The following TYR variants were observed in gnomAD, a reference collection of about 807,000 sequenced individuals.
TYR encodes tyrosinase.
Under a neutral mutation model 51.5 loss-of-function variants are expected in TYR, and 58 were observed. The observed-to-expected ratio is 1.13, with a 90% confidence interval of 0.91 to 1.40. The LOEUF (loss-of-function observed/expected upper bound fraction) is 1.40. Ranked by LOEUF, TYR falls within the 40% of genes most tolerant of loss-of-function variation. The pLI, the probability that TYR is intolerant of heterozygous loss-of-function variation, is 0.00. For synonymous variants in TYR, 263 were observed against 235.2 expected (o/e 1.12, Z -1.08); for missense variants, 732 against 647.4 (o/e 1.13, Z -1.42).
chr11:89,228,003 C>T lies in TYR; in HGVS notation c.1184+33C>T, dbSNP rs186191733. On this transcript the variant is annotated intron_variant, in intron 3 of 4. Transcript: ENST00000263321. ...AATATTTCTTTATAAATAACGTGCT[C>T]ATTGGATTTAAATAGAGGGTGCCTA... is the stretch of plus-strand genomic sequence containing the variant. 1,161 of 1,610,540 alleles carry T rather than the reference C, an allele frequency of 7.2e-4. 7 individuals carry two copies. In the African/African-American group the frequency reaches 0.014, roughly 19 times the overall value.
intron 2 of TYR, among the ~76,000 whole-genome samples, chr11:89,208,460 T>G (rs186484051): frequency 6.6e-6 from 1 of 152,174 alleles, no homozygotes; most frequent in South Asian, 2.1e-4. Context: ...TGTAACATCA[T>G]CCAAGATAAT....
chr11:89,200,991 C>A (rs888262621), intron 2 of TYR, among the ~76,000 whole-genome samples: 5 of 152,028 alleles, frequency 3.3e-5, no homozygotes, highest in African/African-American at 1.2e-4. Context: ...GTATTTTACC[C>A]ATTAGTGATT....
intron 2 of TYR, among the ~76,000 whole-genome samples, chr11:89,202,185 A>T (rs1943605970): frequency 6.6e-6 from 1 of 152,142 alleles, no homozygotes; most frequent in Non-Finnish European, 1.5e-5. Flanking sequence ...GCACACACCC[A>T]CACACTTATT....
At chr11:89,260,803 C>G (rs1944448047) in intron 3 of TYR, among the ~76,000 whole-genome samples, 1 of 152,182 alleles carries the variant, frequency 6.6e-6, no homozygotes, top group African/African-American at 2.4e-5. Flanking sequence ...TGAGAGCATG[C>G]TCCATATAAC....
intron 4 of TYR, among the ~76,000 whole-genome samples, chr11:89,294,537 C>T (rs1368037265): frequency 6.6e-6 from 1 of 152,220 alleles, no homozygotes; most frequent in Non-Finnish European, 1.5e-5. Flanking sequence ...GCACAGGGCC[C>T]ACTCCTATGC....
At chr11:89,279,882 A>C (rs1233157761) in intron 3 of TYR, among the ~76,000 whole-genome samples, 1 of 151,796 alleles carries the variant, frequency 6.6e-6, no homozygotes, top group Non-Finnish European at 1.5e-5. Context: ...AGTTATATAT[A>C]GTACCTTCAA....
At chr11:89,262,766 C>T (rs536508493) in intron 3 of TYR, among the ~76,000 whole-genome samples, 1 of 126,764 alleles carries the variant, frequency 7.9e-6, no homozygotes, top group South Asian at 2.7e-4. Context: ...TTCCTAGAAG[C>T]ACACAAATTA....
intron 2 of TYR, among the ~76,000 whole-genome samples, chr11:89,206,138 A>G (rs530863491): frequency 2.6e-5 from 4 of 152,248 alleles, no homozygotes; most frequent in Non-Finnish European, 4.4e-5. Context: ...CAGGAAAAAA[A>G]TAGGTTTAAG....
At chr11:89,258,717 C>A (rs1236037765) in intron 3 of TYR, among the ~76,000 whole-genome samples, 1 of 152,052 alleles carries the variant, frequency 6.6e-6, no homozygotes, top group African/African-American at 2.4e-5. Flanking sequence ...TAAATAGGCA[C>A]TGGCCTGTTT....
At chr11:89,196,143 C>A (rs1196655623) in intron 2 of TYR, among the ~76,000 whole-genome samples, 1 of 152,068 alleles carries the variant, frequency 6.6e-6, no homozygotes, top group Non-Finnish European at 1.5e-5. Context: ...CAACAAAGGG[C>A]ACAACAGTAT....
At chr11:89,223,137 T>C (rs189651206) in intron 2 of TYR, among the ~76,000 whole-genome samples, 90 of 152,350 alleles carry the variant, frequency 5.9e-4, no homozygotes, top group African/African-American at 2.1e-3. Context: ...ATTCCCCAAC[T>C]ACTAGCTTTA....
intron 2 of TYR, among the ~76,000 whole-genome samples, chr11:89,213,166 A>T (rs554147233): frequency 6.6e-6 from 1 of 152,340 alleles, no homozygotes; most frequent in African/African-American, 2.4e-5. Flanking sequence ...TGCAGATGAT[A>T]TGATTGTATA....
chr11:89,242,359 C>T (rs1185529344), intron 3 of TYR, among the ~76,000 whole-genome samples: 3 of 146,540 alleles, frequency 2.0e-5, no homozygotes, highest in East Asian at 3.9e-4. Flanking sequence ...AGGCACCCAC[C>T]ACCACGCCCA....
At position 89,200,654 on chromosome 11, in the gene TYR, T is replaced by C. The variant is rs1943586111; in HGVS notation, c.1036+9236T>C. On this transcript the variant is annotated intron_variant, in intron 2 of 4. Transcript: ENST00000263321. The stretch of plus-strand genomic sequence containing the variant: ...AGTATAAATAATATAATTTTAATAT[T>C]TCAAAAATACTAAGTGGAATGAGAT... The C allele has an allele frequency of 2.6e-5, 4 of 152,054 alleles. 1 individual carries two copies. The South Asian group carries it at 8.3e-4, about 31-fold the overall frequency. 9.4% of individuals were successfully genotyped at this position (152,054 alleles called of 1,614,324 possible).
Position 89,184,020 on chromosome 11 carries a change from A to AGGGT in TYR, c.819+5249_819+5252dup, listed in dbSNP as rs1943334800. On this transcript the variant is annotated intron_variant, in intron 1 of 4. Transcript: ENST00000263321. The stretch of plus-strand genomic sequence containing the variant: ...ACTTGCCCAAGGCCATGTAACTAAT[A>AGGGT]GGGTCAGTATTGGAAACCAGGTCTT... 3.3e-5 allele frequency among the ~76,000 whole-genome samples: 5 copies of AGGGT among 152,260 alleles called. 1 individual carries two copies. In the South Asian group the frequency reaches 1.0e-3, roughly 32 times the overall value.
At chr11:89,242,868 A>G (rs1161333997) in intron 3 of TYR, among the ~76,000 whole-genome samples, 1 of 152,184 alleles carries the variant, frequency 6.6e-6, no homozygotes, top group Admixed American at 6.5e-5. Flanking sequence ...TATAAAGAGT[A>G]GGGAGCATAG....
At chr11:89,224,438 G>A (rs1034026709) in intron 2 of TYR, among the ~76,000 whole-genome samples, 3 of 152,108 alleles carry the variant, frequency 2.0e-5, no homozygotes, top group Admixed American at 6.6e-5. Context: ...TTTAAGCCAA[G>A]TTCTACTCAG....
intron 1 of TYR, among the ~76,000 whole-genome samples, chr11:89,181,088 C>A (rs557208809): frequency 6.6e-6 from 1 of 152,124 alleles, no homozygotes; most frequent in East Asian, 1.9e-4. Context: ...AATCTCCATA[C>A]GCTGCAACTT....
At chr11:89,217,091 C>T (rs1459860814) in intron 2 of TYR, among the ~76,000 whole-genome samples, 3 of 152,174 alleles carry the variant, frequency 2.0e-5, no homozygotes, top group South Asian at 4.2e-4. Flanking sequence ...AAATCAAGCA[C>T]TCTTACCATA....
Sources: allele counts gnomAD v4.1 joint callset (sites outside exome capture counted in the v4.1 genomes callset), GRCh38; gene constraint gnomAD v4.1.1; transcripts MANE v1.5; gene names NCBI Gene and HGNC (gene_info 2026-07-23, HGNC 2026-07-21).